Variants in FAM220A observed in about 807,000 individuals in gnomAD.
FAM220A encodes family with sequence similarity 220 member A, also known as protein FAM220A.
For missense variants in FAM220A, 392 were observed against 321.6 expected (o/e 1.22, Z -1.68); for synonymous variants, 141 against 130.7 (o/e 1.08, Z -0.54).
intron 1 of FAM220A, among the ~76,000 whole-genome samples, chr7:6,332,905 A>T (rs1781665134): frequency 6.6e-6 from 1 of 152,188 alleles, no homozygotes; most frequent in Admixed American, 6.6e-5. Context: ...TCATGCCTGT[A>T]ATCCCAGCAC....
rs370075239 is a variant in FAM220A at position 6,340,812 on chromosome 7, T to A, written c.-82+7761A>T. On this transcript the variant is annotated intron_variant, in intron 1 of 1. Transcript: ENST00000313324. ...TACTCGGGAGGCTGAGGCAGGAGAA[T>A]GGCGTGAACCCGGGAGGCGGAGCTG... 2.8e-4 allele frequency among the ~76,000 whole-genome samples: 40 copies of A among 142,782 alleles called. 1 individual carries two copies. In the East Asian group the frequency reaches 7.6e-3, roughly 27 times the overall value. The allele number at this position is 142,782 out of a possible 152,430, so 93.7% of individuals were successfully genotyped here. A position where few individuals can be genotyped will look rare whatever the true frequency, so the allele number is the denominator to read the frequency against.
rs962422639 is a variant in FAM220A at position 6,335,937 on chromosome 7, C to T, written c.-81-4702G>A. On this transcript the variant is annotated intron_variant, in intron 1 of 1. Transcript: ENST00000313324. ...CCTGTAATCCCAGCACTCTGGGAGG[C>T]CAAGACGGATGGATCACTTGAGGAC... 5.9e-5 allele frequency among the ~76,000 whole-genome samples: 9 copies of T among 152,086 alleles called. No individual in the cohort carries two copies. The East Asian group carries it at 1.5e-3, about 26-fold the overall frequency.
intron 1 of FAM220A, among the ~76,000 whole-genome samples, chr7:6,341,459 A>AATT (rs1158919912): frequency 9.2e-4 from 131 of 142,482 alleles, no homozygotes; most frequent in South Asian, 5.1e-3. Context: ...TAATAATAAT[A>AATT]ATTATTATTA....
chr7:6,347,803 C>T (rs1042518866), intron 1 of FAM220A, among the ~76,000 whole-genome samples: 1 of 151,208 alleles, frequency 6.6e-6, no homozygotes, highest in South Asian at 2.1e-4. Flanking sequence ...TGCCTATAAT[C>T]CCAGCACTGG....
rs760972457 is a variant in FAM220A at position 6,330,857 on chromosome 7, G to C, written c.298C>G (p.Pro100Ala). 1.2e-6 allele frequency: 2 copies of C among 1,614,194 alleles called. No homozygotes were observed. The highest frequency in any genetic ancestry group is 2.7e-5 in the African/African-American group (2 of 75,062). Reference sequence around the variant, plus strand: ...GGGAACAAACCCACGGCTGTGCTCGGAGTGGCTGCTGAGGCTGGATTTCTT... The same window carrying C: ...GGGAACAAACCCACGGCTGTGCTCGCAGTGGCTGCTGAGGCTGGATTTCTT... ...VRRNPASAAT[P>A]STAVGLFPAP... is the part of the protein sequence containing the mutation. The change falls in exon 2 of 2, where the codon CCG becomes GCG. Residue 100 changes from proline (P) to alanine (A), a missense_variant. Coordinates refer to ENST00000313324, the MANE Select transcript of FAM220A (RefSeq NM_001037163.2).
Position 6,331,045 on chromosome 7 carries a change from C to T in FAM220A, c.110G>A (p.Gly37Asp). The change falls in exon 2 of 2, where the codon GGC becomes GAC. Residue 37 changes from glycine to aspartate, a missense_variant. Physicochemically the swap from Gly to Asp is moderately conservative, Grantham distance 94 (BLOSUM62 -1). Coordinates refer to ENST00000313324, the MANE Select transcript of FAM220A (RefSeq NM_001037163.2). Reference protein sequence around the residue: ...SCSLKKRMPEGPWPADAPSWM... With the variant: ...SCSLKKRMPEDPWPADAPSWM... The stretch of plus-strand genomic sequence containing the variant: ...GGAGGGTGCATCTGCAGGCCAAGGG[C>T]CCTCCGGCATTCTTTTCTTAAGGCT... 6.2e-7 allele frequency: 1 copy of T among 1,613,946 alleles called. No individual in the cohort carries two copies. Among genetic ancestry groups the T allele is most frequent in the Non-Finnish European group, 8.5e-7 (1 of 1,180,046 alleles).
chr7:6,343,236 G>A (rs1295323399), intron 1 of FAM220A, among the ~76,000 whole-genome samples: 1 of 150,742 alleles, frequency 6.6e-6, no homozygotes, highest in Non-Finnish European at 1.5e-5. Flanking sequence ...AATTAGCTGG[G>A]CGTGGTACCA....
chr7:6,333,873 T>G (rs1227964259), intron 1 of FAM220A, among the ~76,000 whole-genome samples: 1 of 141,972 alleles, frequency 7.0e-6, no homozygotes, highest in Non-Finnish European at 1.5e-5. Flanking sequence ...AGACAGAGTC[T>G]TGCTCTTTTT....
At chr7:6,333,801 C>T (rs1483733705) in intron 1 of FAM220A, among the ~76,000 whole-genome samples, 2 of 144,226 alleles carry the variant, frequency 1.4e-5, no homozygotes, top group African/African-American at 5.2e-5. Flanking sequence ...GAGACAGGGT[C>T]TCCCCATGTT....
chr7:6,331,568 G>A (rs902317185), intron 1 of FAM220A, among the ~76,000 whole-genome samples: 3 of 151,846 alleles, frequency 2.0e-5, no homozygotes, highest in Non-Finnish European at 4.4e-5. Context: ...TTTTAATAGA[G>A]ACAAGGTTTC....
In FAM220A at chr7:6,331,255, T is replaced by G; in HGVS notation, c.-81-20A>C. 8.2e-7 allele frequency: 1 copy of G among 1,224,644 alleles called. No homozygotes were observed. The highest frequency in any genetic ancestry group is 2.5e-5 in the East Asian group (1 of 40,156). The allele number at this position is 1,224,644 out of a possible 1,614,324, so 75.9% of individuals were successfully genotyped here. On this transcript the variant is annotated intron_variant, in intron 1 of 1. Transcript: ENST00000313324. ...ATGAACCTAGGAAAGGGAATCAAAT[T>G]AAAGTTCTAAAATGAAGACACATGG...
chr7:6,345,028 CCCACCACGCCCGG>C (rs372530053), intron 1 of FAM220A, among the ~76,000 whole-genome samples: 67 of 152,042 alleles, frequency 4.4e-4, no homozygotes, highest in African/African-American at 1.6e-3. Flanking sequence ...AGGCGTAAAT[CCCACCACGCCCGG>C]CCACTGCGCC....
intron 1 of FAM220A, among the ~76,000 whole-genome samples, chr7:6,340,705 C>G (rs570501774): frequency 6.6e-6 from 1 of 151,902 alleles, no homozygotes; most frequent in African/African-American, 2.4e-5. Flanking sequence ...CGAGACCATC[C>G]TGGCTAACAC....
At chr7:6,340,076 G>C (rs1737630419) in intron 1 of FAM220A, among the ~76,000 whole-genome samples, 3 of 151,570 alleles carry the variant, frequency 2.0e-5, no homozygotes, top group Admixed American at 2.0e-4. Flanking sequence ...GTAGAGATGG[G>C]GTTTCTCCAT....
At chr7:6,348,233 G>GT (rs541675785) in intron 1 of FAM220A, among the ~76,000 whole-genome samples, 1 of 40,758 alleles carries the variant, frequency 2.5e-5, no homozygotes, top group East Asian at 9.8e-3. Flanking sequence ...TTAAAAATAA[G>GT]GGGGGGGGTT....
intron 1 of FAM220A, among the ~76,000 whole-genome samples, chr7:6,334,920 C>A (rs1318511670): frequency 6.6e-6 from 1 of 151,676 alleles, no homozygotes; most frequent in Non-Finnish European, 1.5e-5. Flanking sequence ...AGGCATGTGC[C>A]ACCACGCCTG....
Position 6,348,710 on chromosome 7 carries a change from C to T in FAM220A, c.-219G>A. The T allele has an allele frequency of 2.4e-6, 1 of 422,664 alleles. No homozygotes were observed. The highest frequency in any genetic ancestry group is 6.8e-5 in the South Asian group (1 of 14,624). 26.2% of individuals were successfully genotyped at this position (422,664 alleles called of 1,614,324 possible). On this transcript the variant is annotated 5_prime_UTR_variant, in exon 1 of 2. Coordinates refer to ENST00000313324, the MANE Select transcript of FAM220A (RefSeq NM_001037163.2). ...CAGAAGACCCCATAGGAGCGGGCGG[C>T]GGCCGAGCGCGAGAGCCGGACAGCC...
intron 1 of FAM220A, among the ~76,000 whole-genome samples, chr7:6,340,150 G>A (rs1180851426): frequency 2.6e-5 from 4 of 152,158 alleles, no homozygotes; most frequent in African/African-American, 9.6e-5. Flanking sequence ...CTCCCAAAGT[G>A]CTGGGATTAC....
At chr7:6,335,759 G>C (rs1051564072) in intron 1 of FAM220A, among the ~76,000 whole-genome samples, 13 of 152,094 alleles carry the variant, frequency 8.5e-5, no homozygotes, top group African/African-American at 3.1e-4. Flanking sequence ...ACCAGGCCAG[G>C]TGCAGTGGCT....
Sources: gnomAD v4.1 joint callset for allele counts (sites outside exome capture counted in the v4.1 genomes callset) on GRCh38, gnomAD v4.1.1 for gene constraint, MANE v1.5 for transcripts, NCBI Gene and HGNC (gene_info 2026-07-23, HGNC 2026-07-21) for gene names.